The following RPS6KC1 variants were observed in gnomAD, a reference collection of about 807,000 sequenced individuals.
The protein encoded by RPS6KC1 is inactive ribosomal protein S6 kinase delta-1.
Under a neutral mutation model 103.8 loss-of-function variants are expected in RPS6KC1, and 54 were observed. The observed-to-expected ratio is 0.52, with a 90% CI of 0.42 to 0.65. RPS6KC1 has a LOEUF of 0.65. RPS6KC1 is among the 30% of genes least tolerant of loss of function. The pLI is 0.00. For synonymous variants in RPS6KC1, 439 were observed against 438.7 expected (o/e 1.00, Z -0.01); for missense variants, 1,151 against 1,253.8 (o/e 0.92, Z 1.24).
At chr1:213,506,963 T>A in the RPS6KC1 span, among the ~76,000 whole-genome samples, 8 of 152,242 alleles carry the variant, frequency 5.3e-5, no homozygotes, top group African/African-American at 1.7e-4. Flanking sequence ...TCTTACTTTA[T>A]GTTCATTAAG....
At chr1:213,635,306 A>G in the RPS6KC1 span, among the ~76,000 whole-genome samples, 1 of 152,248 alleles carries the variant, frequency 6.6e-6, no homozygotes, top group Non-Finnish European at 1.5e-5. Context: ...AAAGCCTGGC[A>G]GAGACACAAC....
the RPS6KC1 span, among the ~76,000 whole-genome samples, chr1:213,679,938 A>T: frequency 1.1e-4 from 17 of 152,364 alleles, 1 homozygote; most frequent in African/African-American, 3.6e-4. Context: ...GTAAGACTCC[A>T]TAGTGACAAA....
At chr1:213,523,996 G>T in the RPS6KC1 span, among the ~76,000 whole-genome samples, 1 of 152,092 alleles carries the variant, frequency 6.6e-6, no homozygotes, top group Non-Finnish European at 1.5e-5. Flanking sequence ...GCGGGAGGCT[G>T]ATCCCCCTGA....
At chr1:213,322,774 A>G in the RPS6KC1 span, among the ~76,000 whole-genome samples, 1 of 151,210 alleles carries the variant, frequency 6.6e-6, no homozygotes, top group Non-Finnish European at 1.5e-5. Flanking sequence ...ATTTTTTGAG[A>G]GAGTTACATT....
At chr1:213,544,258 G>GA in the RPS6KC1 span, among the ~76,000 whole-genome samples, 1 of 152,156 alleles carries the variant, frequency 6.6e-6, no homozygotes, top group African/African-American at 2.4e-5. Context: ...GAGGTAGGGA[G>GA]AGGGCAGGGT....
At chr1:213,473,141 A>G in the RPS6KC1 span, among the ~76,000 whole-genome samples, 3 of 152,340 alleles carry the variant, frequency 2.0e-5, no homozygotes, top group Admixed American at 1.3e-4. Flanking sequence ...AGATTGGGCA[A>G]TGTTACATTT....
chr1:213,615,699 T>G, the RPS6KC1 span, among the ~76,000 whole-genome samples: 6 of 152,238 alleles, frequency 3.9e-5, no homozygotes, highest in Non-Finnish European at 8.8e-5. Context: ...CTGGGGGCCT[T>G]GCTGCAGGAG....
Position 213,082,533 on chromosome 1 carries a change from G to A in RPS6KC1, c.262+4717G>A, listed in dbSNP as rs566948594. Among the ~76,000 whole-genome samples, 7 of 152,330 alleles carry A rather than the reference G, an allele frequency of 4.6e-5. No individual in the cohort carries two copies. The South Asian group carries it at 1.5e-3, about 32-fold the overall frequency. On this transcript the variant is annotated intron_variant, in intron 3 of 14. Coordinates refer to ENST00000366960, the MANE Select transcript of RPS6KC1 (RefSeq NM_012424.6). ...CAAAGAAGTTAGGTAAGTGTTACTG[G>A]AAACTGGAGGGAAGATCCCTCTTAT...
intron 6 of RPS6KC1, among the ~76,000 whole-genome samples, chr1:213,152,189 C>G (rs1460499703): frequency 6.9e-6 from 1 of 144,072 alleles, no homozygotes; most frequent in Non-Finnish European, 1.5e-5. Flanking sequence ...GGGCTGACCC[C>G]CCACCTCCCT....
the RPS6KC1 span, among the ~76,000 whole-genome samples, chr1:213,449,741 A>G: frequency 1.3e-5 from 2 of 152,084 alleles, no homozygotes; most frequent in Admixed American, 6.5e-5. Flanking sequence ...TGCCTCTACC[A>G]TCAATGTTTG....
the RPS6KC1 span, among the ~76,000 whole-genome samples, chr1:213,765,750 G>A: frequency 2.6e-5 from 4 of 152,046 alleles, no homozygotes. Context: ...ACCCACACCT[G>A]TAGCAGAATA....
the RPS6KC1 span, among the ~76,000 whole-genome samples, chr1:213,650,017 C>T: frequency 6.6e-6 from 1 of 152,276 alleles, no homozygotes; most frequent in East Asian, 1.9e-4. Flanking sequence ...CTGTTTTACA[C>T]ATGAGGAAAC....
intron 1 of RPS6KC1, among the ~76,000 whole-genome samples, chr1:213,067,765 A>G (rs574847582): frequency 2.0e-5 from 3 of 152,322 alleles, no homozygotes; most frequent in African/African-American, 7.2e-5. Flanking sequence ...GTAAACCACT[A>G]AGAGGACGGC....
chr1:213,125,919 G>A (rs1005497945), intron 5 of RPS6KC1: 2 of 151,942 alleles, frequency 1.3e-5, no homozygotes, highest in African/African-American at 2.4e-5. Context: ...AACTTTGCCC[G>A]CTTGCCCTTT....
chr1:213,387,034 G>A, the RPS6KC1 span, among the ~76,000 whole-genome samples: 5 of 152,156 alleles, frequency 3.3e-5, no homozygotes, highest in Non-Finnish European at 7.3e-5. Context: ...TTGCTAGAGC[G>A]CCTTTTGTGC....
chr1:213,384,427 C>G, the RPS6KC1 span, among the ~76,000 whole-genome samples: 1 of 151,814 alleles, frequency 6.6e-6, no homozygotes, highest in African/African-American at 2.4e-5. Flanking sequence ...GACTGAGGAG[C>G]CTCCAGGTCT....
chr1:213,353,543 C>T, the RPS6KC1 span, among the ~76,000 whole-genome samples: 1 of 152,206 alleles, frequency 6.6e-6, no homozygotes, highest in Non-Finnish European at 1.5e-5. Context: ...TTTTCCTTCT[C>T]CAGGACTTGG....
chr1:213,446,216 C>T, the RPS6KC1 span, among the ~76,000 whole-genome samples: 1 of 152,222 alleles, frequency 6.6e-6, no homozygotes, highest in African/African-American at 2.4e-5. Flanking sequence ...GCAAAGGGAA[C>T]CTGCAAAAAA....
At chr1:213,695,737 A>C in the RPS6KC1 span, among the ~76,000 whole-genome samples, 1 of 152,120 alleles carries the variant, frequency 6.6e-6, no homozygotes, top group Non-Finnish European at 1.5e-5. Context: ...CAGGTTATTG[A>C]TTGTAGTTTT....
Sources: gnomAD v4.1 joint callset for allele counts (sites outside exome capture counted in the v4.1 genomes callset) on GRCh38, gnomAD v4.1.1 for gene constraint, MANE v1.5 for transcripts, NCBI Gene and HGNC (gene_info 2026-07-23, HGNC 2026-07-21) for gene names.